The following SLC24A2 variants were observed in gnomAD, a reference collection of about 807,000 sequenced individuals.
The protein encoded by SLC24A2 is solute carrier family 24 member 2, also known as sodium/potassium/calcium exchanger 2.
In SLC24A2, 36 loss-of-function variants were observed where a neutral mutation model predicts 62.0. That is an observed-to-expected ratio of 0.58 (90% CI 0.44 to 0.77). The LOEUF is 0.77. SLC24A2 is among the 30% of genes least tolerant of loss of function. The pLI is 0.00. For missense variants in SLC24A2, 846 were observed against 817.9 expected (o/e 1.03, Z -0.42); for synonymous variants, 358 against 294.0 (o/e 1.22, Z -2.23).
At chr9:19,704,496 C>T (rs1176811430) in intron 2 of SLC24A2, among the ~76,000 whole-genome samples, 1 of 152,118 alleles carries the variant, frequency 6.6e-6, no homozygotes, top group African/African-American at 2.4e-5. Flanking sequence ...AATTTTTTTC[C>T]TGTGTTTGTG....
the SLC24A2 span, among the ~76,000 whole-genome samples, chr9:20,300,188 G>A: frequency 6.6e-6 from 1 of 152,168 alleles, no homozygotes; most frequent in Non-Finnish European, 1.5e-5. Flanking sequence ...TTTGATACAG[G>A]CATGCCATGT....
chr9:19,703,806 A>G (rs576438463), intron 2 of SLC24A2, among the ~76,000 whole-genome samples: 16 of 152,330 alleles, frequency 1.1e-4, no homozygotes, highest in Non-Finnish European at 1.9e-4. Flanking sequence ...TTATAGTCTT[A>G]TGTGCTATGA....
chr9:19,956,706 G>A, the SLC24A2 span, among the ~76,000 whole-genome samples: 7 of 152,200 alleles, frequency 4.6e-5, no homozygotes, highest in East Asian at 3.9e-4. Context: ...GGAAAGACCC[G>A]CCTCCATGAT....
chr9:20,215,265 C>G, the SLC24A2 span, among the ~76,000 whole-genome samples: 6 of 152,160 alleles, frequency 3.9e-5, no homozygotes, highest in African/African-American at 1.2e-4. Context: ...CCGAATCACA[C>G]GCCAAAGGTC....
the SLC24A2 span, among the ~76,000 whole-genome samples, chr9:20,194,153 G>T: frequency 1.3e-5 from 2 of 151,950 alleles, no homozygotes; most frequent in Non-Finnish European, 2.9e-5. Flanking sequence ...ACAAATCAAG[G>T]ATTTAGATGC....
At chr9:19,850,982 T>A in the SLC24A2 span, among the ~76,000 whole-genome samples, 1 of 42,144 alleles carries the variant, frequency 2.4e-5, no homozygotes, top group South Asian at 5.4e-4. Context: ...TATATATATA[T>A]ATGTATATAT....
the SLC24A2 span, among the ~76,000 whole-genome samples, chr9:20,191,692 C>A: frequency 2.7e-5 from 4 of 150,450 alleles, no homozygotes; most frequent in Non-Finnish European, 4.4e-5. Context: ...TCCATTAAGA[C>A]GGGAAAAGAA....
At chr9:20,141,317 A>C in the SLC24A2 span, among the ~76,000 whole-genome samples, 5 of 151,052 alleles carry the variant, frequency 3.3e-5, no homozygotes, top group African/African-American at 9.7e-5. Context: ...ATTTCTCTCT[A>C]CTCTGTGTAG....
the SLC24A2 span, among the ~76,000 whole-genome samples, chr9:19,968,765 G>C: frequency 6.6e-6 from 1 of 152,012 alleles, no homozygotes; most frequent in Non-Finnish European, 1.5e-5. Context: ...ATTATTTTAC[G>C]TCATTAACAG....
At chr9:19,950,536 A>T in the SLC24A2 span, among the ~76,000 whole-genome samples, 1 of 152,256 alleles carries the variant, frequency 6.6e-6, no homozygotes, top group Admixed American at 6.5e-5. Flanking sequence ...GTCAAGTCTT[A>T]TAACAACCAC....
rs1211248446 is a variant in SLC24A2, at chr9:19,786,494, A to G, written c.373T>C (p.Phe125Leu). Residue 125 changes from phenylalanine (F) to leucine (L), a missense_variant, in exon 2 of 11, where the codon TTT (phenylalanine) becomes CTT (leucine). Transcript: ENST00000341998. This position sits in a 1 kb window ranked among gnomAD's most constrained non-coding sequence, Gnocchi z 5.0. ...CCTTTTCTTCTCTCCTCAAGGGAAA[A>G]GATGTCTTTCGGGTAGTCTCCTTGG... ...HAQGDYPKDIFSLEERRKGAI... is the reference protein window; with the variant it reads ...HAQGDYPKDILSLEERRKGAI... 1 of 1,614,194 alleles carries G rather than the reference A, an allele frequency of 6.2e-7. No homozygotes were observed. Among genetic ancestry groups the G allele is most frequent in the Non-Finnish European group, 8.5e-7 (1 of 1,180,044 alleles).
chr9:20,072,403 C>T, the SLC24A2 span, among the ~76,000 whole-genome samples: 1 of 152,054 alleles, frequency 6.6e-6, no homozygotes, highest in East Asian at 1.9e-4. Flanking sequence ...CTGAAGCCTG[C>T]TTCTGAGGCC....
At position 19,788,911 on chromosome 9, in the gene SLC24A2, C is replaced by A. The variant is rs754009452; in HGVS notation, c.-180G>T. On this transcript the variant is annotated 5_prime_UTR_variant, in exon 1 of 11. Transcript: ENST00000341998. Reference sequence around the variant, plus strand: ...AGGATAAGATGGGAGGACGCGCACACGGCGGGGCCCCCGAGCGCGGCCCGC... The same window carrying A: ...AGGATAAGATGGGAGGACGCGCACAAGGCGGGGCCCCCGAGCGCGGCCCGC... The A allele has an allele frequency of 3.4e-4, 331 of 985,256 alleles. No individual in the cohort carries two copies. The highest frequency in any genetic ancestry group is 3.6e-4 in the Non-Finnish European group (302 of 829,892). The allele number at this position is 985,256 out of a possible 1,614,324, so 61.0% of individuals were successfully genotyped here. A position where few individuals can be genotyped will look rare whatever the true frequency, so the allele number is the denominator to read the frequency against.
intron 2 of SLC24A2, among the ~76,000 whole-genome samples, chr9:19,622,901 A>G (rs1237468143): frequency 6.6e-6 from 1 of 152,164 alleles, no homozygotes; most frequent in African/African-American, 2.4e-5. Context: ...CCACTGCATT[A>G]AAGACTAGGA....
chr9:19,814,656 T>C, the SLC24A2 span, among the ~76,000 whole-genome samples: 3 of 152,172 alleles, frequency 2.0e-5, no homozygotes, highest in African/African-American at 7.2e-5. Context: ...CCAGTCTTTT[T>C]TGGCTCACTT....
chr9:20,144,082 C>T, the SLC24A2 span, among the ~76,000 whole-genome samples: 700 of 152,232 alleles, frequency 4.6e-3, 2 homozygotes, highest in Non-Finnish European at 7.1e-3. Context: ...GGCTTGGTGG[C>T]CACTCTTCAC....
chr9:20,245,405 G>C, the SLC24A2 span, among the ~76,000 whole-genome samples: 1 of 152,226 alleles, frequency 6.6e-6, no homozygotes, highest in Non-Finnish European at 1.5e-5. Flanking sequence ...GAAAGCCAAA[G>C]AGAGGTGGAA....
intron 2 of SLC24A2, among the ~76,000 whole-genome samples, chr9:19,624,765 T>C (rs1360603350): frequency 6.6e-6 from 1 of 152,148 alleles, no homozygotes; most frequent in Non-Finnish European, 1.5e-5. Context: ...TCTACTTTCC[T>C]TTTATGTAGC....
chr9:20,070,205 T>G, the SLC24A2 span, among the ~76,000 whole-genome samples: 8 of 152,094 alleles, frequency 5.3e-5, no homozygotes, highest in African/African-American at 1.9e-4. Flanking sequence ...TTGCTGGGTG[T>G]ACAATTCCTA....
Sources: gnomAD v4.1 joint callset for allele counts (sites outside exome capture counted in the v4.1 genomes callset) on GRCh38, gnomAD v4.1.1 for gene constraint, Gnocchi (gnomAD v3.1) non-coding constraint, MANE v1.5 for transcripts, NCBI Gene and HGNC (gene_info 2026-07-23, HGNC 2026-07-21) for gene names.